TTLL11: variants seen among roughly 807,000 people sequenced by gnomAD.
TTLL11 encodes tubulin tyrosine ligase like 11, also known as tubulin polyglutamylase TTLL11.
Under a neutral mutation model 51.7 loss-of-function variants are expected in TTLL11, and 42 were observed. The observed-to-expected ratio is 0.81, with a 90% CI of 0.64 to 1.05. TTLL11 has a LOEUF of 1.05. Ranked by LOEUF, TTLL11 falls within the 50% of genes least tolerant of loss-of-function variation. The pLI, the probability that TTLL11 is intolerant of heterozygous loss-of-function variation, is 0.00. For synonymous variants in TTLL11, 381 were observed against 383.5 expected (o/e 0.99, Z 0.08); for missense variants, 799 against 940.4 (o/e 0.85, Z 1.97).
intron 6 of TTLL11, among the ~76,000 whole-genome samples, chr9:121,919,669 A>G (rs923140331): frequency 6.6e-6 from 1 of 152,122 alleles, no homozygotes; most frequent in African/African-American, 2.4e-5. Context: ...GGCCCAAGAG[A>G]AATTTCCCCT....
At chr9:121,827,218 G>A (rs1412442986) in intron 8 of TTLL11, among the ~76,000 whole-genome samples, 1 of 152,118 alleles carries the variant, frequency 6.6e-6, no homozygotes, top group Non-Finnish European at 1.5e-5. Flanking sequence ...CAGTATGCCA[G>A]ACAGGTAAAG....
intron 6 of TTLL11, among the ~76,000 whole-genome samples, chr9:121,948,272 T>C (rs1841740266): frequency 6.6e-6 from 1 of 152,180 alleles, no homozygotes; most frequent in South Asian, 2.1e-4. Flanking sequence ...GGGGCTGCTC[T>C]TCTGAGAAAT....
At chr9:121,840,237 G>C (rs904910197) in intron 8 of TTLL11, among the ~76,000 whole-genome samples, 1 of 152,140 alleles carries the variant, frequency 6.6e-6, no homozygotes, top group African/African-American at 2.4e-5. Context: ...GAAGAATTAG[G>C]GACAGTCCTG....
chr9:121,982,003 G>A (rs1301288658), intron 4 of TTLL11, among the ~76,000 whole-genome samples: 1 of 152,042 alleles, frequency 6.6e-6, no homozygotes, highest in African/African-American at 2.4e-5. Context: ...GACCCACTGA[G>A]ATCTCACTCA....
intron 6 of TTLL11, among the ~76,000 whole-genome samples, chr9:121,888,255 G>A (rs1269457203): frequency 1.3e-5 from 2 of 152,236 alleles, no homozygotes; most frequent in Admixed American, 1.3e-4. Context: ...ACTGCTCCCA[G>A]AGAGCACTGG....
intron 1 of TTLL11, among the ~76,000 whole-genome samples, chr9:122,055,206 T>TAGATAGAC (rs1010884148): frequency 6.8e-6 from 1 of 146,890 alleles, no homozygotes; most frequent in Admixed American, 6.8e-5. Flanking sequence ...ACTAATAGGA[T>TAGATAGAC]AGATAGATAG....
chr9:121,976,078 C>G (rs528386122), intron 4 of TTLL11, among the ~76,000 whole-genome samples: 1 of 152,260 alleles, frequency 6.6e-6, no homozygotes, highest in South Asian at 2.1e-4. Context: ...GACTACACAA[C>G]ATAAAAATGC....
chr9:121,893,210 A>G (rs1839323885), intron 6 of TTLL11, among the ~76,000 whole-genome samples: 1 of 152,176 alleles, frequency 6.6e-6, no homozygotes, highest in Non-Finnish European at 1.5e-5. Context: ...AAAAATAGTT[A>G]AATATACCAA....
intron 6 of TTLL11, among the ~76,000 whole-genome samples, chr9:121,891,114 G>A (rs563382371): frequency 2.6e-5 from 4 of 152,102 alleles, no homozygotes; most frequent in African/African-American, 4.8e-5. Context: ...CCCTTTTCAC[G>A]CTATATTACA....
chr9:121,847,630 T>C (rs1837555845), intron 8 of TTLL11, among the ~76,000 whole-genome samples: 2 of 152,226 alleles, frequency 1.3e-5, no homozygotes, highest in South Asian at 4.1e-4. Flanking sequence ...AATAGGCCTT[T>C]ATCTATTAAA....
chr9:122,015,363 G>A (rs1843931521), intron 3 of TTLL11, among the ~76,000 whole-genome samples: 1 of 152,114 alleles, frequency 6.6e-6, no homozygotes, highest in Non-Finnish European at 1.5e-5. Flanking sequence ...TGGCAACAAA[G>A]GAAATAACAC....
intron 6 of TTLL11, among the ~76,000 whole-genome samples, chr9:121,883,317 G>T (rs982688151): frequency 3.3e-5 from 5 of 152,160 alleles, no homozygotes; most frequent in African/African-American, 7.2e-5. Flanking sequence ...ACTTGATGGG[G>T]TGGTATAAAC....
intron 5 of TTLL11, among the ~76,000 whole-genome samples, 177 bp downstream of exon 5, chr9:121,974,706 AG>A (rs1236828082): frequency 1.3e-5 from 2 of 152,226 alleles, no homozygotes; most frequent in Non-Finnish European, 2.9e-5. Context: ...CAGGTCAGAT[AG>A]GCTTTGTATT....
chr9:122,007,299 G>A (rs895802520), intron 3 of TTLL11, among the ~76,000 whole-genome samples: 4 of 151,646 alleles, frequency 2.6e-5, no homozygotes, highest in African/African-American at 4.8e-5. Context: ...GTAAAAGGGT[G>A]CTCAGAAAAT....
intron 1 of TTLL11, among the ~76,000 whole-genome samples, chr9:122,085,860 T>G (rs771233885): frequency 3.3e-5 from 5 of 152,154 alleles, no homozygotes; most frequent in African/African-American, 4.8e-5. Flanking sequence ...CAGAGTTTAG[T>G]CACACAAGCA....
rs1219356605 is a variant in TTLL11, at chr9:121,995,769, T to C, written c.694-5999A>G. 6.6e-6 allele frequency among the ~76,000 whole-genome samples: 1 copy of C among 152,156 alleles called. No individual in the cohort carries two copies. The highest frequency in any genetic ancestry group is 2.4e-5 in the African/African-American group (1 of 41,426). ...CAGGTTGTCCGATATCTCCTACAGA[T>C]GATTAATTCTGATACAACAACTCTC... On this transcript the variant is annotated intron_variant, in intron 3 of 8. Transcript: ENST00000321582. The surrounding 1 kb of genome is among the most constrained non-coding windows in gnomAD (Gnocchi z 4.4).
chr9:121,852,280 C>T (rs1429241637), intron 8 of TTLL11, among the ~76,000 whole-genome samples: 2 of 152,216 alleles, frequency 1.3e-5, no homozygotes, highest in African/African-American at 4.8e-5. Flanking sequence ...CATACTTTAT[C>T]ACTAAATCCT....
chr9:121,829,174 A>G (rs1368005107), intron 8 of TTLL11, among the ~76,000 whole-genome samples: 1 of 151,944 alleles, frequency 6.6e-6, no homozygotes, highest in Non-Finnish European at 1.5e-5. Context: ...GGCTGGTCTC[A>G]AACTCCTGAC....
At chr9:121,884,063 A>G (rs1372320642) in intron 6 of TTLL11, among the ~76,000 whole-genome samples, 1 of 152,244 alleles carries the variant, frequency 6.6e-6, no homozygotes, top group African/African-American at 2.4e-5. Flanking sequence ...AATGCCAGAC[A>G]CATCGCTGGT....
Sources: gnomAD v4.1 joint callset for allele counts (sites outside exome capture counted in the v4.1 genomes callset) on GRCh38, gnomAD v4.1.1 for gene constraint, Gnocchi (gnomAD v3.1) non-coding constraint, MANE v1.5 for transcripts, NCBI Gene and HGNC (gene_info 2026-07-23, HGNC 2026-07-21) for gene names.